CEP63: variants seen among roughly 807,000 people sequenced by gnomAD.
CEP63 encodes centrosomal protein 63.
In CEP63, 84 loss-of-function variants were observed where a neutral mutation model predicts 89.1. The observed-to-expected ratio is 0.94, with a 90% CI of 0.79 to 1.13. The LOEUF (loss-of-function observed/expected upper bound fraction) is 1.13, where lower values mean the gene tolerates loss of function less well. Ranked by LOEUF, CEP63 falls within the 50% of genes most tolerant of loss-of-function variation. The probability of loss-of-function intolerance (pLI) is 0.00; values close to 1 mark genes in which losing one functional copy is unlikely to be tolerated. For synonymous variants in CEP63, 267 were observed against 272.5 expected (o/e 0.98, Z 0.20); for missense variants, 838 against 813.3 (o/e 1.03, Z -0.37).
chr3:134,589,734 A>G (rs1047769711), downstream of CEP63, among the ~76,000 whole-genome samples: 2 of 152,226 alleles, frequency 1.3e-5, no homozygotes, highest in African/African-American at 2.4e-5. Flanking sequence ...CGACCCAGCA[A>G]TCTCATTGTT....
rs1939424009 is a variant in CEP63 at position 134,495,304 on chromosome 3, A to C, written c.-17A>C. ...ATTTTTTTCTTTGTCAGTTGCCAAA[A>C]CAAAGGGGATTTGGTGATGGAGGCT... On this transcript the variant is annotated 5_prime_UTR_variant, in exon 2 of 15. Transcript: ENST00000675561. 6.2e-7 allele frequency: 1 copy of C among 1,612,666 alleles called. No homozygotes were observed. The highest frequency in any genetic ancestry group is 8.5e-7 in the Non-Finnish European group (1 of 1,178,904).
chr3:134,510,409 G>A, intron 3 of CEP63: 1 of 215,266 alleles, frequency 4.6e-6, no homozygotes, highest in South Asian at 9.6e-5. Flanking sequence ...AGTCTGCATG[G>A]ACTGTAAGCA....
chr3:134,755,274 C>T, the CEP63 span, among the ~76,000 whole-genome samples: 4 of 152,154 alleles, frequency 2.6e-5, no homozygotes, highest in South Asian at 4.1e-4. Context: ...CCCCTGGAGG[C>T]CCTGGAGCTC....
chr3:134,628,017 C>CT, the CEP63 span: 2 of 603,978 alleles, frequency 3.3e-6, no homozygotes, highest in Non-Finnish European at 5.9e-6. Flanking sequence ...AGAAGGAAGA[C>CT]TAAGAACCAG....
intron 12 of CEP63, among the ~76,000 whole-genome samples, chr3:134,553,971 A>G (rs1955519459): frequency 6.6e-6 from 1 of 152,232 alleles, no homozygotes; most frequent in Non-Finnish European, 1.5e-5. Context: ...TATGAATATT[A>G]CACTGTCATT....
chr3:134,752,809 G>C, the CEP63 span, among the ~76,000 whole-genome samples: 1 of 152,082 alleles, frequency 6.6e-6, no homozygotes, highest in Non-Finnish European at 1.5e-5. Context: ...AGGGCTCCTT[G>C]GTAATTGCCT....
chr3:134,741,954 G>T, the CEP63 span, among the ~76,000 whole-genome samples: 3 of 152,004 alleles, frequency 2.0e-5, no homozygotes, highest in Non-Finnish European at 4.4e-5. Flanking sequence ...GGGAAACAGT[G>T]AGCAAGTGGC....
the CEP63 span, among the ~76,000 whole-genome samples, chr3:134,710,731 T>C: frequency 6.6e-6 from 1 of 150,994 alleles, no homozygotes. Context: ...TCTTTCTTTT[T>C]TTTTTTTTTG....
the CEP63 span, among the ~76,000 whole-genome samples, chr3:134,695,692 C>T: frequency 4.6e-5 from 7 of 152,230 alleles, no homozygotes; most frequent in African/African-American, 1.7e-4. Context: ...ACATGCCTCT[C>T]TACTTCTGTA....
chr3:134,642,386 C>T, the CEP63 span, among the ~76,000 whole-genome samples: 1 of 152,184 alleles, frequency 6.6e-6, no homozygotes, highest in Non-Finnish European at 1.5e-5. Flanking sequence ...TATGGCTGAG[C>T]CTGTGAGAAT....
At chr3:134,610,723 A>G in the CEP63 span, 1 of 211,478 alleles carries the variant, frequency 4.7e-6, no homozygotes, top group Non-Finnish European at 9.3e-6. Context: ...GGAGGAAAAA[A>G]TGGGGGCAAG....
intron 10 of CEP63, among the ~76,000 whole-genome samples, chr3:134,585,150 A>C (rs1462704846): frequency 6.6e-6 from 1 of 151,774 alleles, no homozygotes; most frequent in Non-Finnish European, 1.5e-5. Context: ...TCCTGGATTC[A>C]TTGATTTTTT....
At chr3:134,692,701 A>G in the CEP63 span, among the ~76,000 whole-genome samples, 2 of 152,212 alleles carry the variant, frequency 1.3e-5, no homozygotes, top group Non-Finnish European at 2.9e-5. Flanking sequence ...CACCAGTTCA[A>G]GATATCTAGT....
the CEP63 span, among the ~76,000 whole-genome samples, chr3:134,670,277 ACT>A: frequency 1.3e-5 from 2 of 152,060 alleles, no homozygotes; most frequent in African/African-American, 4.8e-5. Context: ...ATATGAACAC[ACT>A]CTTCCCCAAA....
At chr3:134,761,013 T>C in the CEP63 span, among the ~76,000 whole-genome samples, 1 of 151,554 alleles carries the variant, frequency 6.6e-6, no homozygotes, top group East Asian at 1.9e-4. Flanking sequence ...CAAAAGACAT[T>C]TGTTAAAAAA....
chr3:134,587,667 G>A (rs1958513517), exon 11 of CEP63, among the ~76,000 whole-genome samples: 2 of 152,106 alleles, frequency 1.3e-5, no homozygotes, highest in African/African-American at 4.8e-5. Context: ...GAACCCACTT[G>A]AGGAGGCAGT....
chr3:134,581,866 G>A (rs1577516096), intron 10 of CEP63, among the ~76,000 whole-genome samples: 1 of 150,834 alleles, frequency 6.6e-6, no homozygotes, highest in Non-Finnish European at 1.5e-5. Context: ...TAGTAGAGAC[G>A]GGGTTTCACC....
At chr3:134,551,579 C>T (rs571867792) in intron 11 of CEP63, among the ~76,000 whole-genome samples, 1 of 152,048 alleles carries the variant, frequency 6.6e-6, no homozygotes, top group Non-Finnish European at 1.5e-5. Context: ...AGGAGGCCAG[C>T]ACAGGAGAAT....
At chr3:134,619,203 G>T in the CEP63 span, 10 of 1,613,988 alleles carry the variant, frequency 6.2e-6, no homozygotes, top group Non-Finnish European at 8.5e-6. Flanking sequence ...TTCTGGGTCC[G>T]CAGGATGTCA....
Sources: gnomAD v4.1 joint callset for allele counts (sites outside exome capture counted in the v4.1 genomes callset) on GRCh38, gnomAD v4.1.1 for gene constraint, MANE v1.5 for transcripts, NCBI Gene and HGNC (gene_info 2026-07-23, HGNC 2026-07-21) for gene names.